Variants in NUP188 observed in about 807,000 individuals in gnomAD.
The protein encoded by NUP188 is nucleoporin 188.
Under a neutral mutation model 223.0 loss-of-function variants are expected in NUP188, and 97 were observed. The ratio of observed to expected loss-of-function variants is 0.43; its 90% CI spans 0.37 to 0.51. The LOEUF (loss-of-function observed/expected upper bound fraction) is 0.51, where lower values mean the gene tolerates loss of function less well. Ranked by LOEUF, NUP188 falls within the 20% of genes least tolerant of loss-of-function variation. The probability of loss-of-function intolerance (pLI) is 0.00; values close to 1 mark genes in which losing one functional copy is unlikely to be tolerated. For missense variants in NUP188, 1,947 were observed against 2,175.6 expected (o/e 0.89, Z 2.09); for synonymous variants, 869 against 828.0 (o/e 1.05, Z -0.85).
chr9:128,949,266 G>C, intron 2 of NUP188, 23 bp downstream of exon 2: 1 of 1,557,436 alleles, frequency 6.4e-7, no homozygotes, highest in Non-Finnish European at 8.8e-7. Flanking sequence ...GTTCTTGAGT[G>C]GGTTCTCTGG....
In NUP188 at chr9:128,969,402, A is replaced by C. The variant is rs1377337934; in HGVS notation, c.800A>C (p.Tyr267Ser). 1.3e-6 allele frequency: 2 copies of C among 1,597,770 alleles called. No individual in the cohort carries two copies. Among genetic ancestry groups the C allele is most frequent in the Non-Finnish European group, 1.7e-6 (2 of 1,166,126 alleles). The change falls in exon 10 of 44, where the codon TAC (tyrosine) becomes TCC (serine). Residue 267 changes from tyrosine (Y) to serine (S), a missense_variant and splice_region_variant. Physicochemically the swap from Tyr to Ser is moderately radical, Grantham distance 144 (BLOSUM62 -2). Coordinates refer to ENST00000372577, the MANE Select transcript of NUP188 (RefSeq NM_015354.3). Reference sequence around the variant, plus strand: ...GGTGATACTATTTTTCTTTCTAGCTACTTCAGTGCCCTCATCCTGGTGGAG... The same window carrying C: ...GGTGATACTATTTTTCTTTCTAGCTCCTTCAGTGCCCTCATCCTGGTGGAG... ...TMDPFVDRIG[Y>S]FSALILVEGM...
intron 20 of NUP188, among the ~76,000 whole-genome samples, chr9:128,985,464 T>C (rs921939457): frequency 6.6e-6 from 1 of 152,218 alleles, no homozygotes; most frequent in Non-Finnish European, 1.5e-5. Context: ...ATTTTGACCA[T>C]AGACTGATCT....
At chr9:128,966,077 G>A (rs1241533887) in intron 8 of NUP188, among the ~76,000 whole-genome samples, 1 of 151,868 alleles carries the variant, frequency 6.6e-6, no homozygotes, top group Non-Finnish European at 1.5e-5. Flanking sequence ...TTACAGGCGT[G>A]AACCACCGCG....
chr9:128,971,018 T>C (rs994894738), intron 11 of NUP188, 60 bp downstream of exon 11: 5 of 1,314,844 alleles, frequency 3.8e-6, no homozygotes, highest in Non-Finnish European at 5.5e-6. Flanking sequence ...ATTATAATAA[T>C]GTAATAGTTA....
At position 128,999,760 on chromosome 9, in the gene NUP188, G is replaced by C. The variant is rs760834155; in HGVS notation, c.3798G>C (p.Glu1266Asp). 1.9e-5 allele frequency: 31 copies of C among 1,614,240 alleles called. No individual in the cohort carries two copies. The Admixed American group carries it at 5.2e-4, about 27-fold the overall frequency. ...GSATEDKDSM[E>D]TDDCSRSRHR... The stretch of plus-strand genomic sequence containing the variant: ...CCACAGAGGACAAGGACAGCATGGA[G>C]ACTGACGACTGTTCTCGGTCCCGGC... Residue 1266 changes from glutamate (E) to aspartate (D), a missense_variant, in exon 34 of 44, where the codon GAG (glutamate) becomes GAC (aspartate). Around this residue, in one of 3 missense-constraint regions of NUP188, gnomAD observed 905 missense variants for 990.6 expected, o/e 0.91. Transcript: ENST00000372577.
At chr9:128,948,258 G>T (rs1057163863) in intron 1 of NUP188, 1 of 153,742 alleles carries the variant, frequency 6.5e-6, no homozygotes, top group African/African-American at 2.4e-5. Flanking sequence ...CACGCTTGCG[G>T]CTTCTGTCCT....
Position 128,998,577 on chromosome 9 carries a change from T to C in NUP188, c.3469T>C (p.Ser1157Pro), listed in dbSNP as rs756093313. The change falls in exon 32 of 44, where the codon TCC becomes CCC. Residue 1157 changes from serine (S) to proline (P), a missense_variant. Physicochemically the swap from Ser to Pro is moderately conservative, Grantham distance 74. This residue lies in a region of NUP188 where 905 missense variants were observed against 990.6 expected (regional missense o/e 0.91). Transcript: ENST00000372577. The part of the protein sequence containing the change: ...PASVNCLRLG[S>P]MKCTLLLILL... ...CTCAGTGAACTGCCTTCGCCTTGGC[T>C]CCATGAAGTGCACTCTGCTGCTTAT... 2.5e-6 allele frequency: 4 copies of C among 1,614,164 alleles called. No individual in the cohort carries two copies. In the Admixed American group the frequency reaches 6.7e-5, roughly 27 times the overall value.
intron 8 of NUP188, 24 bp downstream of exon 8, chr9:128,959,158 G>T: frequency 6.5e-7 from 1 of 1,541,092 alleles, no homozygotes; most frequent in South Asian, 1.3e-5. Context: ...GTGCTCTCCT[G>T]TAACTTTTTT....
Position 128,993,595 on chromosome 9 carries a change from G to T in NUP188, c.2918G>T (p.Arg973Leu). Residue 973 changes from arginine to leucine, a missense_variant, in exon 27 of 44, where the codon CGA (arginine) becomes CTA (leucine). Around this residue, in one of 3 missense-constraint regions of NUP188, gnomAD observed 905 missense variants for 990.6 expected, o/e 0.91. Coordinates refer to ENST00000372577, the MANE Select transcript of NUP188 (RefSeq NM_015354.3). The stretch of plus-strand genomic sequence containing the variant: ...CTGATTGATTCCCAACAGCAAGATC[G>T]ATACTGGTGCCCACCCCTGCTGCAT... ...LELIDSQQQDRYWCPPLLHRA... is the reference protein window; with the variant it reads ...LELIDSQQQDLYWCPPLLHRA... 1 of 1,614,160 alleles carries T rather than the reference G, an allele frequency of 6.2e-7. No individual in the cohort carries two copies. The highest frequency in any genetic ancestry group is 1.1e-5 in the South Asian group (1 of 91,086).
At position 128,999,542 on chromosome 9, in the gene NUP188, C is replaced by T. The variant is rs1439235464; in HGVS notation, c.3662-82C>T. On this transcript the variant is annotated intron_variant, in intron 33 of 43. Transcript: ENST00000372577. ...CCTAGCGCCCTAGTACATCTCCAGCCCCTTCCTAGGAAGGAAACCTTGGTG... is the reference window on the plus strand; with the variant it reads ...CCTAGCGCCCTAGTACATCTCCAGCTCCTTCCTAGGAAGGAAACCTTGGTG... 7 of 1,414,526 alleles carry T rather than the reference C, an allele frequency of 4.9e-6. No individual in the cohort carries two copies. The African/African-American group carries it at 9.8e-5, about 20-fold the overall frequency. The allele number at this position is 1,414,526 out of a possible 1,614,324, so 87.6% of individuals were successfully genotyped here.
intron 12 of NUP188, among the ~76,000 whole-genome samples, chr9:128,974,908 G>A (rs1321581744): frequency 1.3e-5 from 2 of 151,824 alleles, no homozygotes; most frequent in African/African-American, 4.8e-5. Context: ...ACAGGCGTGT[G>A]CCACCATGCT....
chr9:128,949,069 C>A, intron 1 of NUP188, 120 bp from the exon 2 acceptor site: 1 of 664,582 alleles, frequency 1.5e-6, no homozygotes, highest in Non-Finnish European at 2.6e-6. Context: ...AAAAATTTAA[C>A]AAATCGTTTT....
intron 8 of NUP188, among the ~76,000 whole-genome samples, chr9:128,963,819 T>G (rs1435273366): frequency 6.6e-6 from 1 of 151,498 alleles, no homozygotes; most frequent in Middle Eastern, 3.2e-3. Context: ...TGTGGGTTTT[T>G]TTTTTTTTTA....
Position 129,002,936 on chromosome 9 carries a change from C to T in NUP188, c.4257C>T (p.Ala1419=). Residue 1419 remains alanine, a synonymous_variant, in exon 37 of 44, where the codon GCC becomes GCT. Coordinates refer to ENST00000372577, the MANE Select transcript of NUP188 (RefSeq NM_015354.3). ...KTLRYNFLPE[A]LDFVGVHQER... is the part of the protein sequence containing the mutation. ...TGCGCTACAACTTCCTGCCTGAGGCCCTGGACTTCGTGGGTGTCCACCAGG... is the reference window on the plus strand; with the variant it reads ...TGCGCTACAACTTCCTGCCTGAGGCTCTGGACTTCGTGGGTGTCCACCAGG... 1.2e-6 allele frequency: 2 copies of T among 1,614,188 alleles called. No homozygotes were observed. The highest frequency in any genetic ancestry group is 1.7e-6 in the Non-Finnish European group (2 of 1,180,034).
chr9:128,989,454 A>G lies in NUP188; in HGVS notation c.2534-666A>G, dbSNP rs544591950. Among the ~76,000 whole-genome samples the G allele has an allele frequency of 6.6e-5, 10 of 152,288 alleles. No homozygotes were observed. In the East Asian group the frequency reaches 1.9e-3, roughly 29 times the overall value. ...AGTGGCTCACGCTTTTAATCCCAGCACTTTGGGAGGCCGAGGTGGGCGGAT... is the reference window on the plus strand; with the variant it reads ...AGTGGCTCACGCTTTTAATCCCAGCGCTTTGGGAGGCCGAGGTGGGCGGAT... On this transcript the variant is annotated intron_variant, in intron 24 of 43. Transcript: ENST00000372577.
At chr9:129,003,089 G>T in intron 37 of NUP188, 114 bp downstream of exon 37, 1 of 1,260,364 alleles carries the variant, frequency 7.9e-7, no homozygotes, top group Non-Finnish European at 1.1e-6. Flanking sequence ...GGTTGTCGAT[G>T]CCTTCATTTT....
intron 3 of NUP188, among the ~76,000 whole-genome samples, chr9:128,954,978 G>A (rs760204673): frequency 1.1e-4 from 16 of 151,828 alleles, no homozygotes; most frequent in Non-Finnish European, 2.2e-4. Context: ...AGCCTCCCGA[G>A]TAGCTGGGAC....
rs1446874529 is a variant in NUP188, at chr9:128,975,158, TTCTTG to T, written c.1203+1914_1203+1918del. Among the ~76,000 whole-genome samples the T allele has an allele frequency of 3.9e-5, 6 of 152,174 alleles. No homozygotes were observed. In the South Asian group the frequency reaches 1.2e-3, roughly 32 times the overall value. On this transcript the variant is annotated intron_variant, in intron 12 of 43. Coordinates refer to ENST00000372577, the MANE Select transcript of NUP188 (RefSeq NM_015354.3). Reference sequence around the variant, plus strand: ...TATATATTTTGATAGCTCTGTTGCTTTCTTGTCTTTTTTATTTTCTCCGTTGCTTA... The same window carrying T: ...TATATATTTTGATAGCTCTGTTGCTTTCTTTTTTATTTTCTCCGTTGCTTA...
chr9:128,987,006 G>C, intron 22 of NUP188, 131 bp downstream of exon 22: 1 of 684,758 alleles, frequency 1.5e-6, no homozygotes, highest in South Asian at 1.8e-5. Context: ...TCTTGAGGTT[G>C]TTAGTTGCTT....
Sources: gnomAD v4.1 joint callset for allele counts (sites outside exome capture counted in the v4.1 genomes callset) on GRCh38, gnomAD v4.1.1 for gene constraint, gnomAD v4.1.1 regional missense constraint, MANE v1.5 for transcripts, NCBI Gene and HGNC (gene_info 2026-07-23, HGNC 2026-07-21) for gene names.